The following MEGF10 variants were observed in gnomAD, a reference collection of about 807,000 sequenced individuals.
MEGF10 encodes multiple epidermal growth factor-like domains protein 10.
MEGF10 carries 86 observed loss-of-function variants against 147.5 expected under a neutral mutation model. The ratio of observed to expected loss-of-function variants is 0.58; its 90% CI spans 0.49 to 0.70. The LOEUF (loss-of-function observed/expected upper bound fraction) is 0.70. Among genes scored for constraint, MEGF10 ranks in the 30% least tolerant of loss-of-function variants. The pLI, the probability that MEGF10 is intolerant of heterozygous loss-of-function variation, is 0.00. For synonymous variants in MEGF10, 478 were observed against 525.5 expected, an observed-to-expected ratio of 0.91 and a Z score of 1.24; for missense variants, 1,329 against 1,487.3, an observed-to-expected ratio of 0.89 and a Z score of 1.75.
chr5:127,449,209 C>G lies in MEGF10; in HGVS notation c.2967C>G (p.Tyr989Ter). 6.2e-7 allele frequency: 1 copy of G among 1,613,242 alleles called. No homozygotes were observed. Among genetic ancestry groups the G allele is most frequent in the Non-Finnish European group, 8.5e-7 (1 of 1,179,548 alleles). Residue 989 changes from tyrosine (Y) to a stop codon, truncating the protein, a stop_gained, in exon 22 of 25, where the codon TAC becomes TAG. Transcript: ENST00000503335. LOFTEE classifies it high-confidence loss of function. The part of the protein sequence containing the change: ...TLPADWKHGG[Y>*]LNELGAFGLD... ...CGGCTGACTGGAAACATGGCGGCTACCTCAACGAGCTCGGTGAGTTCTCCC... is the reference window on the plus strand; with the variant it reads ...CGGCTGACTGGAAACATGGCGGCTAGCTCAACGAGCTCGGTGAGTTCTCCC...
chr5:127,397,823 C>A (rs1363386), intron 6 of MEGF10, among the ~76,000 whole-genome samples: 2,523 of 152,112 alleles, frequency 0.017, 48 homozygotes, highest in South Asian at 0.076. Context: ...AAGGGCCATG[C>A]GACACGTGGG....
At chr5:127,330,600 T>C (rs1002121094) in intron 1 of MEGF10, among the ~76,000 whole-genome samples, 7 of 152,222 alleles carry the variant, frequency 4.6e-5, no homozygotes, top group African/African-American at 1.7e-4. Context: ...TTTACATTTT[T>C]TTCTATGTAT....
At position 127,376,457 on chromosome 5, in the gene MEGF10, A is replaced by G. The variant is rs552903162; in HGVS notation, c.412+6455A>G. On this transcript the variant is annotated intron_variant, in intron 5 of 24. Coordinates refer to ENST00000503335, the MANE Select transcript of MEGF10 (RefSeq NM_001256545.2). ...GAGAGATTAGTAAGGAGTACTGCCC[A>G]TTCCCAATAGAATGAGGAAGAAAAC... is the stretch of plus-strand genomic sequence containing the variant. Among the ~76,000 whole-genome samples, 26 of 152,266 alleles carry G rather than the reference A, an allele frequency of 1.7e-4. No homozygotes were observed. The South Asian group carries it at 4.8e-3, about 28-fold the overall frequency.
chr5:127,259,196 A>G, the MEGF10 span, among the ~76,000 whole-genome samples: 1,011 of 152,318 alleles, frequency 6.6e-3, 13 homozygotes, highest in African/African-American at 0.023. Flanking sequence ...TGGGGGAGGC[A>G]ATGCTCAAGA....
intron 24 of MEGF10, 28 bp downstream of exon 24, chr5:127,455,635 C>A (rs368963865): frequency 1.3e-6 from 2 of 1,594,092 alleles, no homozygotes; most frequent in Non-Finnish European, 8.6e-7. Context: ...TAGAAAGAAC[C>A]GAGTGCTTAA....
intron 1 of MEGF10, among the ~76,000 whole-genome samples, chr5:127,330,358 A>T (rs970649299): frequency 3.3e-5 from 5 of 152,120 alleles, no homozygotes; most frequent in African/African-American, 1.2e-4. Context: ...ACAATGGCTT[A>T]TGAAACCCAT....
intron 13 of MEGF10, among the ~76,000 whole-genome samples, chr5:127,429,507 C>G (rs1765326820): frequency 6.6e-6 from 1 of 152,150 alleles, no homozygotes; most frequent in Admixed American, 6.5e-5. Flanking sequence ...TCGATTCATT[C>G]AACAAATAAA....
At chr5:127,300,050 A>C (rs1302690878) in intron 1 of MEGF10, 3 of 152,224 alleles carry the variant, frequency 2.0e-5, no homozygotes, top group Non-Finnish European at 2.9e-5. Context: ...CAGAGAGGCA[A>C]GTAGCTTTAT....
intron 5 of MEGF10, among the ~76,000 whole-genome samples, chr5:127,391,525 G>A (rs1430262249): frequency 6.7e-6 from 1 of 149,824 alleles, no homozygotes; most frequent in East Asian, 2.0e-4. Context: ...AGTCAAGATC[G>A]CACCACTGCA....
intron 4 of MEGF10, among the ~76,000 whole-genome samples, chr5:127,350,892 G>A (rs1175345637): frequency 6.6e-6 from 1 of 151,800 alleles, no homozygotes. Flanking sequence ...TCACATCCGG[G>A]TAAATGGGGT....
chr5:127,349,694 G>GT (rs201909792), intron 4 of MEGF10, among the ~76,000 whole-genome samples: 8,675 of 136,732 alleles, frequency 0.063, 294 homozygotes, highest in Non-Finnish European at 0.09. Context: ...TTTTTTTTTT[G>GT]TTTTTTTTAG....
At chr5:127,456,001 G>T (rs998546412) in intron 24 of MEGF10, among the ~76,000 whole-genome samples, 7 of 152,218 alleles carry the variant, frequency 4.6e-5, no homozygotes, top group African/African-American at 1.7e-4. Context: ...TGGTGCCAAA[G>T]GAATTTTCCA....
intron 9 of MEGF10, among the ~76,000 whole-genome samples, chr5:127,416,551 A>T (rs947466550): frequency 2.6e-5 from 4 of 152,146 alleles, no homozygotes; most frequent in African/African-American, 9.7e-5. Context: ...ATGTTTTCTG[A>T]GTGTTTGATG....
chr5:127,448,607 G>A (rs1266865771), intron 21 of MEGF10, among the ~76,000 whole-genome samples: 1 of 152,058 alleles, frequency 6.6e-6, no homozygotes, highest in East Asian at 1.9e-4. Flanking sequence ...GTGCTTCATG[G>A]TTAAATATCA....
intron 1 of MEGF10, among the ~76,000 whole-genome samples, chr5:127,294,054 A>C (rs1759385717): frequency 6.6e-6 from 1 of 152,190 alleles, no homozygotes; most frequent in Non-Finnish European, 1.5e-5. Context: ...CCTTCCTCTG[A>C]AAATGTCTTT....
chr5:127,451,912 G>T (rs1766167272), intron 22 of MEGF10, among the ~76,000 whole-genome samples: 1 of 152,150 alleles, frequency 6.6e-6, no homozygotes. Flanking sequence ...TGTCGTCATG[G>T]TATCTGAAAG....
At chr5:127,300,960 C>T (rs1021219534) in intron 1 of MEGF10, among the ~76,000 whole-genome samples, 2 of 152,242 alleles carry the variant, frequency 1.3e-5, no homozygotes, top group African/African-American at 4.8e-5. Context: ...TTCCCACTTT[C>T]CACCCTCCTT....
At chr5:127,343,568 C>G (rs1224440451) in intron 4 of MEGF10, among the ~76,000 whole-genome samples, 1 of 152,148 alleles carries the variant, frequency 6.6e-6, no homozygotes, top group Non-Finnish European at 1.5e-5. Context: ...CCCTCACCCA[C>G]TCCTCCCACT....
intron 8 of MEGF10, among the ~76,000 whole-genome samples, chr5:127,409,359 T>C (rs910899315): frequency 2.0e-5 from 3 of 152,214 alleles, no homozygotes; most frequent in Non-Finnish European, 4.4e-5. Flanking sequence ...CGAGACAAAG[T>C]GTACCCTTCT....
Sources: gnomAD v4.1 joint callset for allele counts (sites outside exome capture counted in the v4.1 genomes callset) on GRCh38, gnomAD v4.1.1 for gene constraint, MANE v1.5 for transcripts, NCBI Gene and HGNC (gene_info 2026-07-23, HGNC 2026-07-21) for gene names.